The following BRAF variants were observed in gnomAD, a reference collection of about 807,000 sequenced individuals.
BRAF encodes the protein serine/threonine-protein kinase B-raf.
Under a neutral mutation model 104.6 loss-of-function variants are expected in BRAF, and 16 were observed. The observed-to-expected ratio is 0.15, with a 90% CI of 0.10 to 0.23. BRAF has a LOEUF of 0.23. BRAF is among the 10% of genes least tolerant of loss of function. The probability of loss-of-function intolerance (pLI) is 1.00; values close to 1 mark genes in which losing one functional copy is unlikely to be tolerated. For synonymous variants in BRAF, 310 were observed against 341.6 expected, an observed-to-expected ratio of 0.91 and a Z score of 1.02; for missense variants, 541 against 937.3, an observed-to-expected ratio of 0.58 and a Z score of 5.52.
chr7:140,800,889 A>C, intron 6 of BRAF: 1 of 294,328 alleles, frequency 3.4e-6, no homozygotes, highest in Non-Finnish European at 6.5e-6. Context: ...GAGATAATAG[A>C]CTCAGTCTAA....
rs527503601 is a variant in BRAF at position 140,752,675 on chromosome 7, AT to A, written c.1980+599del. On this transcript the variant is annotated intron_variant, in intron 16 of 19. Coordinates refer to ENST00000644969, the MANE Select transcript of BRAF (RefSeq NM_001374258.1). ...GCACAAGGCTGTTAATCTACCTCTC[AT>A]TTTTTTTTGTCTTTCCTCTTCCAGC... Among the ~76,000 whole-genome samples the A allele has an allele frequency of 1.1e-4, 17 of 151,046 alleles. No individual in the cohort carries two copies. The South Asian group carries it at 1.5e-3, about 13-fold the overall frequency.
At chr7:140,867,387 T>G (rs1811086222) in intron 1 of BRAF, among the ~76,000 whole-genome samples, 1 of 152,176 alleles carries the variant, frequency 6.6e-6, no homozygotes, top group Admixed American at 6.5e-5. Flanking sequence ...CCAATTTAGG[T>G]AAAAATGGAT....
intron 1 of BRAF, among the ~76,000 whole-genome samples, chr7:140,869,173 G>A (rs1229002864): frequency 6.6e-6 from 1 of 151,940 alleles, no homozygotes; most frequent in Non-Finnish European, 1.5e-5. Context: ...ACAGGAGCTG[G>A]GTATACAAAT....
chr7:140,850,269 T>C (rs944002519), intron 1 of BRAF, 57 bp from the exon 2 acceptor site: 2 of 1,327,040 alleles, frequency 1.5e-6, no homozygotes, highest in Non-Finnish European at 2.1e-6. Flanking sequence ...GAATTAGAAA[T>C]ATTTTAACAT....
At chr7:140,873,166 CTTTTTTTTTTT>C (rs1165344332) in intron 1 of BRAF, among the ~76,000 whole-genome samples, 5 of 99,148 alleles carry the variant, frequency 5.0e-5, no homozygotes, top group Non-Finnish European at 3.7e-5. Flanking sequence ...CAGTCTGTGG[CTTTTTTTTTTT>C]TTTTTTTTTT....
intron 1 of BRAF, among the ~76,000 whole-genome samples, chr7:140,912,347 C>G (rs1358359601): frequency 6.6e-6 from 1 of 152,212 alleles, no homozygotes; most frequent in Non-Finnish European, 1.5e-5. Flanking sequence ...CGTCGACCTT[C>G]CTAGCAGCAT....
intron 1 of BRAF, among the ~76,000 whole-genome samples, chr7:140,871,125 C>A (rs1444625551): frequency 1.4e-5 from 2 of 145,726 alleles, no homozygotes; most frequent in African/African-American, 4.9e-5. Context: ...GCCTGTAGTA[C>A]CAGGTACTCG....
intron 1 of BRAF, among the ~76,000 whole-genome samples, chr7:140,856,533 G>A (rs999445804): frequency 1.3e-5 from 2 of 152,116 alleles, no homozygotes; most frequent in Non-Finnish European, 2.9e-5. Context: ...TAAAGAAGAA[G>A]CATGAGGAAA....
At position 140,800,379 on chromosome 7, in the gene BRAF, G is replaced by A. The variant is rs750741958; in HGVS notation, c.963C>T (p.Pro321=). Residue 321 remains proline (P), a synonymous_variant, in exon 7 of 20, where the codon CCC becomes CCT. Transcript: ENST00000644969. ...ALTSGSSPSA[P]ASDSIGPQIL... ...AACCATACCCAATAGAGTCCGAGGCGGGTGCGGAAGGGGATGATCCAGATG... is the reference window on the plus strand; with the variant it reads ...AACCATACCCAATAGAGTCCGAGGCAGGTGCGGAAGGGGATGATCCAGATG... The A allele has an allele frequency of 7.4e-6, 12 of 1,614,020 alleles. No homozygotes were observed. The South Asian group carries it at 8.8e-5, about 12-fold the overall frequency.
intron 7 of BRAF, chr7:140,800,005 T>C: frequency 2.5e-6 from 1 of 407,516 alleles, no homozygotes; most frequent in South Asian, 2.6e-5. Context: ...ACTGGTGTGA[T>C]AAAATAAGTT....
downstream of BRAF, among the ~76,000 whole-genome samples, chr7:140,718,411 C>T (rs1194394203): frequency 2.6e-5 from 4 of 152,214 alleles, no homozygotes; most frequent in South Asian, 2.1e-4. Flanking sequence ...CCACCACAGC[C>T]GGATAATTTT....
In BRAF at chr7:140,794,444, G is replaced by A; in HGVS notation, c.1004C>T (p.Ser335Phe). The change falls in exon 8 of 20, where the codon TCT becomes TTT. Residue 335 changes from serine to phenylalanine, a missense_variant. By Grantham distance (155) the Ser-to-Phe change is radical (BLOSUM62 -2). Around this residue, in one of 10 missense-constraint regions of BRAF, gnomAD observed 79 missense variants for 74.6 expected, o/e 1.06. Transcript: ENST00000644969. ...SIGPQILTSPSPSKSIPIPQP... is the reference protein window; with the variant it reads ...SIGPQILTSPFPSKSIPIPQP... Reference sequence around the variant, plus strand: ...TGGAATTGGAATGGATTTTGAAGGAGACGGACTGGTGAGAATTTGGGGCCT... The same window carrying A: ...TGGAATTGGAATGGATTTTGAAGGAAACGGACTGGTGAGAATTTGGGGCCT... 1 of 1,614,062 alleles carries A rather than the reference G, an allele frequency of 6.2e-7. No homozygotes were observed. The highest frequency in any genetic ancestry group is 8.5e-7 in the Non-Finnish European group (1 of 1,179,994).
At chr7:140,793,634 C>A (rs1802204386) in intron 8 of BRAF, among the ~76,000 whole-genome samples, 2 of 151,912 alleles carry the variant, frequency 1.3e-5, no homozygotes, top group Non-Finnish European at 2.9e-5. Context: ...AATTGAAATT[C>A]TTTTCTTTTG....
At chr7:140,815,172 C>T (rs1482476784) in intron 3 of BRAF, among the ~76,000 whole-genome samples, 30 of 148,800 alleles carry the variant, frequency 2.0e-4, no homozygotes, top group South Asian at 6.3e-4. Context: ...GAGTCTCGCT[C>T]TGTCGCCCAG....
chr7:140,896,174 C>A (rs1188658869), intron 1 of BRAF, among the ~76,000 whole-genome samples: 2 of 151,760 alleles, frequency 1.3e-5, no homozygotes. Context: ...CTACCTGGGG[C>A]CAGATGATAC....
chr7:140,811,861 T>C (rs1804303921), intron 3 of BRAF, among the ~76,000 whole-genome samples: 1 of 152,202 alleles, frequency 6.6e-6, no homozygotes. Context: ...TTGTTTGTAG[T>C]GAATTTATAG....
intron 14 of BRAF, among the ~76,000 whole-genome samples, chr7:140,766,476 A>G (rs771209074): frequency 2.6e-5 from 4 of 151,558 alleles, no homozygotes; most frequent in Non-Finnish European, 4.4e-5. Context: ...AAAGAAAATA[A>G]ACATACAGAA....
At chr7:140,765,487 G>C (rs1019704017) in intron 14 of BRAF, among the ~76,000 whole-genome samples, 43 of 152,182 alleles carry the variant, frequency 2.8e-4, no homozygotes, top group Middle Eastern at 3.4e-3. Context: ...CACAGCAAAA[G>C]AAACTACCAT....
chr7:140,812,160 CTGTGTGTGTG>C lies in BRAF; in HGVS notation c.505-3175_505-3166del, dbSNP rs201757515. 4.0e-4 allele frequency among the ~76,000 whole-genome samples: 56 copies of C among 140,544 alleles called. 1 individual carries two copies. Among genetic ancestry groups the C allele is most frequent in the African/African-American group, 1.0e-3 (39 of 38,066 alleles). 92.2% of individuals were successfully genotyped at this position (140,544 alleles called of 152,430 possible). A position where few individuals can be genotyped will look rare whatever the true frequency, so the allele number is the denominator to read the frequency against. On this transcript the variant is annotated intron_variant, in intron 3 of 19. Transcript: ENST00000644969. ...TTTGGGCATGCATGTGCATGCACAC[CTGTGTGTGTG>C]TGTGTGTGTGTGTGTGTGTGTGTGA...
Sources: gnomAD v4.1 joint callset for allele counts (sites outside exome capture counted in the v4.1 genomes callset) on GRCh38, gnomAD v4.1.1 for gene constraint, gnomAD v4.1.1 regional missense constraint, MANE v1.5 for transcripts, NCBI Gene and HGNC (gene_info 2026-07-23, HGNC 2026-07-21) for gene names.